LRP1B: variants seen among roughly 807,000 people sequenced by gnomAD.
LRP1B encodes LDL receptor related protein 1B, also known as low-density lipoprotein receptor-related protein 1B.
In LRP1B, 217 loss-of-function variants were observed where a neutral mutation model predicts 556.6. The observed-to-expected ratio is 0.39, with a 90% CI of 0.35 to 0.44. The LOEUF is 0.44. LRP1B is among the 20% of genes least tolerant of loss of function. The pLI is 1.00. For synonymous variants in LRP1B, 2,047 were observed against 1,865.8 expected (o/e 1.10, Z -2.50); for missense variants, 5,053 against 5,620.8 (o/e 0.90, Z 3.23).
intron 2 of LRP1B, among the ~76,000 whole-genome samples, chr2:141,656,477 G>T (rs973558580): frequency 1.3e-5 from 2 of 151,978 alleles, no homozygotes; most frequent in South Asian, 2.1e-4. Flanking sequence ...TGAATATCAG[G>T]TTATGATATT....
intron 32 of LRP1B, among the ~76,000 whole-genome samples, chr2:140,798,909 G>T (rs760357298): frequency 3.3e-5 from 5 of 152,020 alleles, no homozygotes; most frequent in Non-Finnish European, 7.4e-5. Flanking sequence ...TAATACAGTC[G>T]CATTATCTCC....
chr2:140,473,211 C>T (rs938743717), intron 60 of LRP1B, among the ~76,000 whole-genome samples: 4 of 151,928 alleles, frequency 2.6e-5, no homozygotes, highest in South Asian at 2.1e-4. Context: ...TATTGGCCTG[C>T]GCTCAGATAT....
intron 20 of LRP1B, among the ~76,000 whole-genome samples, chr2:140,945,219 CACAA>C (rs1449833921): frequency 6.6e-6 from 1 of 151,952 alleles, no homozygotes; most frequent in African/African-American, 2.4e-5. Context: ...TTAGAGATGA[CACAA>C]ACAAATAAAA....
intron 7 of LRP1B, among the ~76,000 whole-genome samples, chr2:141,084,640 A>G (rs919929376): frequency 1.4e-5 from 2 of 139,450 alleles, no homozygotes; most frequent in Non-Finnish European, 3.0e-5. Flanking sequence ...TTGTCCATAG[A>G]TACTTCTGTT....
chr2:140,478,144 C>CTTT lies in LRP1B; in HGVS notation c.9426-2810_9426-2808dup, dbSNP rs35948232. ...GATTTTAGGACAAAGTATAACTTAACTTTTTTTTTTTTTTTTTTTTTTTGA... is the reference window on the plus strand; with the variant it reads ...GATTTTAGGACAAAGTATAACTTAACTTTTTTTTTTTTTTTTTTTTTTTTTTGA... On this transcript the variant is annotated intron_variant, in intron 59 of 90. Coordinates refer to ENST00000389484, the MANE Select transcript of LRP1B (RefSeq NM_018557.3). Among the ~76,000 whole-genome samples, 163 of 62,762 alleles carry CTTT rather than the reference C, an allele frequency of 2.6e-3. 1 individual carries two copies. Among genetic ancestry groups the CTTT allele is most frequent in the African/African-American group, 8.7e-3 (152 of 17,476 alleles). The allele number at this position is 62,762 out of a possible 152,430, so 41.2% of individuals were successfully genotyped here. A position where few individuals can be genotyped will look rare whatever the true frequency, so the allele number is the denominator to read the frequency against.
chr2:141,807,472 T>C (rs1312533819), intron 2 of LRP1B, among the ~76,000 whole-genome samples: 1 of 152,088 alleles, frequency 6.6e-6, no homozygotes, highest in Non-Finnish European at 1.5e-5. Flanking sequence ...TATTCAGCAA[T>C]TTTAATGTTA....
chr2:141,371,866 T>C (rs1295482755), intron 3 of LRP1B, among the ~76,000 whole-genome samples: 1 of 151,546 alleles, frequency 6.6e-6, no homozygotes, highest in Non-Finnish European at 1.5e-5. Flanking sequence ...ATTTTTTTTC[T>C]CTTGCCCAAT....
chr2:140,472,095 T>A (rs1029030118), intron 60 of LRP1B, among the ~76,000 whole-genome samples: 1 of 152,216 alleles, frequency 6.6e-6, no homozygotes, highest in African/African-American at 2.4e-5. Flanking sequence ...ATCTAATTTA[T>A]GTCTTTACCT....
At chr2:141,581,051 T>C (rs16846522) in intron 2 of LRP1B, among the ~76,000 whole-genome samples, 34,688 of 152,140 alleles carry the variant, frequency 0.23, 4,945 homozygotes, top group East Asian at 0.49. Flanking sequence ...TGAAAGTGTT[T>C]GAAAACTGAT....
At position 141,140,025 on chromosome 2, in the gene LRP1B, A is replaced by G. The variant is rs114883094; in HGVS notation, c.1013+48396T>C. Among the ~76,000 whole-genome samples the G allele has an allele frequency of 8.0e-3, 1,213 of 152,230 alleles. 16 individuals are homozygous for G. The highest frequency in any genetic ancestry group is 0.027 in the African/African-American group (1,127 of 41,552). On this transcript the variant is annotated intron_variant, in intron 7 of 90. Coordinates refer to ENST00000389484, the MANE Select transcript of LRP1B (RefSeq NM_018557.3). Reference sequence around the variant, plus strand: ...CTACTCAGCAAAAAAAAAGAGATTAATTATTGATAAATGCAACATGATGAA... The same window carrying G: ...CTACTCAGCAAAAAAAAAGAGATTAGTTATTGATAAATGCAACATGATGAA...
At chr2:140,520,798 G>GAAAAAAAAAAAAAAAAAAAAAAAAA (rs757383865) in intron 49 of LRP1B, among the ~76,000 whole-genome samples, 3 of 86,458 alleles carry the variant, frequency 3.5e-5, no homozygotes, top group Non-Finnish European at 6.4e-5. Context: ...TAAGAAAACA[G>GAAAAAAAAAAAAAAAAAAAAAAAAA]AAAAAAAAAA....
chr2:140,739,970 T>C (rs1384556745), intron 35 of LRP1B, among the ~76,000 whole-genome samples: 2 of 152,140 alleles, frequency 1.3e-5, no homozygotes, highest in Admixed American at 1.3e-4. Flanking sequence ...AACTACAATG[T>C]GATACCACCT....
At chr2:141,185,966 C>T (rs922954998) in intron 7 of LRP1B, among the ~76,000 whole-genome samples, 7 of 150,542 alleles carry the variant, frequency 4.6e-5, no homozygotes, top group African/African-American at 1.7e-4. Flanking sequence ...GTCATCCCAG[C>T]TACTCAGGAG....
chr2:140,820,178 C>G (rs1420082634), intron 31 of LRP1B, among the ~76,000 whole-genome samples: 1 of 152,042 alleles, frequency 6.6e-6, no homozygotes, highest in African/African-American at 2.4e-5. Flanking sequence ...ACAGGCTTTG[C>G]CACATTGGCC....
intron 35 of LRP1B, among the ~76,000 whole-genome samples, chr2:140,740,616 C>T (rs1405202941): frequency 1.3e-5 from 2 of 152,060 alleles, no homozygotes; most frequent in Admixed American, 6.6e-5. Flanking sequence ...AAAGAACTTA[C>T]TCATGTAACC....
chr2:141,034,430 A>G (rs1039452407), intron 11 of LRP1B, among the ~76,000 whole-genome samples: 2 of 151,912 alleles, frequency 1.3e-5, no homozygotes, highest in Admixed American at 1.3e-4. Flanking sequence ...GCAACCTACA[A>G]AATGGGAGAA....
chr2:141,274,821 C>A (rs1685223952), intron 3 of LRP1B, among the ~76,000 whole-genome samples: 1 of 152,080 alleles, frequency 6.6e-6, no homozygotes, highest in Admixed American at 6.6e-5. Flanking sequence ...TTAAGTACTA[C>A]CTTAAATTCT....
chr2:141,627,555 A>G (rs1469315291), intron 2 of LRP1B, among the ~76,000 whole-genome samples: 2 of 152,188 alleles, frequency 1.3e-5, no homozygotes, highest in Admixed American at 1.3e-4. Flanking sequence ...AGATTCTCAT[A>G]GGAGTGCAAA....
rs540158790 is a variant in LRP1B at position 141,129,573 on chromosome 2, G to C, written c.1013+58848C>G. Among the ~76,000 whole-genome samples the C allele has an allele frequency of 6.6e-5, 10 of 151,520 alleles. No individual in the cohort carries two copies. The East Asian group carries it at 9.8e-4, about 15-fold the overall frequency. On this transcript the variant is annotated intron_variant, in intron 7 of 90. Coordinates refer to ENST00000389484, the MANE Select transcript of LRP1B (RefSeq NM_018557.3). ...ACTGTTATTTAACAGTAGTGTGTGTGGGGGGAGGGGCGGGGGGTGAAAGTC... is the reference window on the plus strand; with the variant it reads ...ACTGTTATTTAACAGTAGTGTGTGTCGGGGGAGGGGCGGGGGGTGAAAGTC...
Sources: gnomAD v4.1 joint callset for allele counts (sites outside exome capture counted in the v4.1 genomes callset) on GRCh38, gnomAD v4.1.1 for gene constraint, MANE v1.5 for transcripts, NCBI Gene and HGNC (gene_info 2026-07-23, HGNC 2026-07-21) for gene names.